PRKCE: variants seen among roughly 807,000 people sequenced by gnomAD.
The protein encoded by PRKCE is protein kinase C epsilon, also known as protein kinase C epsilon type.
A neutral mutation model predicts 85.4 loss-of-function variants in PRKCE; 16 were observed. The observed-to-expected ratio is 0.19, with a 90% CI of 0.13 to 0.28. PRKCE has a LOEUF of 0.28. Among genes scored for constraint, PRKCE ranks in the 10% least tolerant of loss-of-function variants. The pLI is 1.00. For synonymous variants in PRKCE, 388 were observed against 371.5 expected, an observed-to-expected ratio of 1.04 and a Z score of -0.51; for missense variants, 573 against 975.2, an observed-to-expected ratio of 0.59 and a Z score of 5.49.
chr2:45,742,332 G>C (rs897639702), intron 1 of PRKCE, among the ~76,000 whole-genome samples: 2 of 152,124 alleles, frequency 1.3e-5, no homozygotes, highest in Admixed American at 1.3e-4. Context: ...CTACTTGGGA[G>C]GCTGAGGCAG....
chr2:45,887,473 C>G (rs1036466354), intron 2 of PRKCE, among the ~76,000 whole-genome samples: 1 of 151,998 alleles, frequency 6.6e-6, no homozygotes, highest in Non-Finnish European at 1.5e-5. Flanking sequence ...ATGAAGAGTT[C>G]TGAAGACAAA....
intron 11 of PRKCE, among the ~76,000 whole-genome samples, chr2:46,098,389 C>G (rs1292171600): frequency 6.6e-6 from 1 of 152,128 alleles, no homozygotes; most frequent in African/African-American, 2.4e-5. Context: ...GCAGTAACAA[C>G]TGGTTCTAGT....
At chr2:45,714,362 A>G (rs1284028338) in intron 1 of PRKCE, among the ~76,000 whole-genome samples, 1 of 152,234 alleles carries the variant, frequency 6.6e-6, no homozygotes, top group Non-Finnish European at 1.5e-5. Flanking sequence ...AATGACATTG[A>G]GACACAAAGG....
intron 2 of PRKCE, among the ~76,000 whole-genome samples, chr2:45,866,767 A>T (rs1693650046): frequency 6.6e-6 from 1 of 152,258 alleles, no homozygotes; most frequent in Admixed American, 6.5e-5. Context: ...TCAAGTGCTC[A>T]ATAGTCAACA....
At chr2:45,949,484 C>G (rs1225834921) in intron 2 of PRKCE, among the ~76,000 whole-genome samples, 1 of 115,676 alleles carries the variant, frequency 8.6e-6, no homozygotes, top group Non-Finnish European at 1.7e-5. Flanking sequence ...AAATCTGAGT[C>G]TGCTACATGT....
intron 11 of PRKCE, among the ~76,000 whole-genome samples, chr2:46,123,538 G>C (rs1046556373): frequency 2.0e-5 from 3 of 152,094 alleles, no homozygotes; most frequent in African/African-American, 7.2e-5. Flanking sequence ...GCCCAGGCTG[G>C]AGTGCAGTGG....
At chr2:45,708,553 T>C (rs533918861) in intron 1 of PRKCE, among the ~76,000 whole-genome samples, 3 of 152,346 alleles carry the variant, frequency 2.0e-5, no homozygotes, top group Non-Finnish European at 4.4e-5. Flanking sequence ...AAGATGTGAC[T>C]TGCTCCTCCT....
chr2:45,846,522 A>G (rs1691801754), intron 2 of PRKCE, among the ~76,000 whole-genome samples: 1 of 152,196 alleles, frequency 6.6e-6, no homozygotes, highest in Admixed American at 6.5e-5. Context: ...GATACAAAGG[A>G]ATAGGAATGA....
intron 7 of PRKCE, among the ~76,000 whole-genome samples, chr2:46,003,542 C>T (rs1011402520): frequency 7.2e-5 from 11 of 152,206 alleles, no homozygotes; most frequent in East Asian, 5.8e-4. Flanking sequence ...CGGACAGAGT[C>T]TTACCTTTAA....
At chr2:45,707,268 G>T (rs763517826) in intron 1 of PRKCE, among the ~76,000 whole-genome samples, 6 of 152,232 alleles carry the variant, frequency 3.9e-5, no homozygotes, top group Non-Finnish European at 7.3e-5. Flanking sequence ...TCTGTTAAAT[G>T]TGGAGGCTGC....
At chr2:45,832,628 C>A (rs1690527932) in intron 1 of PRKCE, among the ~76,000 whole-genome samples, 1 of 152,098 alleles carries the variant, frequency 6.6e-6, no homozygotes, top group South Asian at 2.1e-4. Context: ...AACTTTTTAT[C>A]ATTCATGCAG....
At chr2:46,074,695 C>T (rs551455528) in intron 10 of PRKCE, among the ~76,000 whole-genome samples, 4 of 152,274 alleles carry the variant, frequency 2.6e-5, no homozygotes, top group Non-Finnish European at 4.4e-5. Context: ...ACGAGGGCTG[C>T]GTAGGTTCTG....
At chr2:46,174,725 G>A (rs1445069185) in intron 14 of PRKCE, among the ~76,000 whole-genome samples, 1 of 152,164 alleles carries the variant, frequency 6.6e-6, no homozygotes, top group Non-Finnish European at 1.5e-5. Context: ...ATCTGGCACT[G>A]TCACCCAGGC....
intron 2 of PRKCE, among the ~76,000 whole-genome samples, chr2:45,911,861 T>A (rs548213888): frequency 6.6e-6 from 1 of 152,266 alleles, no homozygotes; most frequent in Non-Finnish European, 1.5e-5. Flanking sequence ...GTAGGATTGT[T>A]ATGAGAATTA....
At chr2:45,850,093 A>G (rs1257088963) in intron 2 of PRKCE, among the ~76,000 whole-genome samples, 1 of 152,220 alleles carries the variant, frequency 6.6e-6, no homozygotes, top group Non-Finnish European at 1.5e-5. Context: ...TGAATCACCC[A>G]TGGTTAACAA....
At chr2:46,079,358 C>T (rs144744774) in intron 10 of PRKCE, among the ~76,000 whole-genome samples, 80 of 152,232 alleles carry the variant, frequency 5.3e-4, no homozygotes, top group African/African-American at 1.5e-3. Flanking sequence ...AATTATACAG[C>T]ATTTTGTGTT....
At chr2:45,701,279 TTG>T (rs771913452) in intron 1 of PRKCE, 1 of 152,192 alleles carries the variant, frequency 6.6e-6, no homozygotes. Context: ...GGTTTGTTTT[TTG>T]TGTGTTTTTG....
chr2:46,108,584 A>C (rs1671965462), intron 11 of PRKCE, among the ~76,000 whole-genome samples: 1 of 152,248 alleles, frequency 6.6e-6, no homozygotes, highest in African/African-American at 2.4e-5. Flanking sequence ...GCTGCACTGA[A>C]GACCCTGACA....
In PRKCE at chr2:45,652,485, G is replaced by A; in HGVS notation, c.348+37G>A. On this transcript the variant is annotated intron_variant, in intron 1 of 14. Coordinates refer to ENST00000306156, the MANE Select transcript of PRKCE (RefSeq NM_005400.3). This position sits in a 1 kb window ranked among gnomAD's most constrained non-coding sequence, Gnocchi z 7.7. Reference sequence around the variant, plus strand: ...GCCTCCCCGTCATTCCGGGAACCCGGTTGTGGGGTCCCGGGGAAAGACTCG... The same window carrying A: ...GCCTCCCCGTCATTCCGGGAACCCGATTGTGGGGTCCCGGGGAAAGACTCG... 6.5e-7 allele frequency: 1 copy of A among 1,539,646 alleles called. No homozygotes were observed. The highest frequency in any genetic ancestry group is 8.8e-7 in the Non-Finnish European group (1 of 1,137,022).
Sources: allele counts gnomAD v4.1 joint callset (sites outside exome capture counted in the v4.1 genomes callset), GRCh38; gene constraint gnomAD v4.1.1; non-coding constraint Gnocchi (gnomAD v3.1); transcripts MANE v1.5; gene names NCBI Gene and HGNC (gene_info 2026-07-23, HGNC 2026-07-21).